The following OPRM1 variants were observed in gnomAD, a reference collection of about 807,000 sequenced individuals.
OPRM1 encodes the protein opioid receptor mu 1.
OPRM1 carries 27 observed loss-of-function variants against 31.8 expected under a neutral mutation model. The observed-to-expected ratio is 0.85, with a 90% CI of 0.63 to 1.17. OPRM1 has a LOEUF of 1.17. Among genes scored for constraint, OPRM1 ranks in the 50% most tolerant of loss-of-function variants. The probability of loss-of-function intolerance (pLI) is 0.00; values close to 1 mark genes in which losing one functional copy is unlikely to be tolerated. For missense variants in OPRM1, 536 were observed against 511.1 expected (o/e 1.05, Z -0.47); for synonymous variants, 196 against 189.9 (o/e 1.03, Z -0.26).
intron 3 of OPRM1, among the ~76,000 whole-genome samples, chr6:154,189,610 T>G (rs1801686226): frequency 6.6e-6 from 1 of 152,186 alleles, no homozygotes; most frequent in African/African-American, 2.4e-5. Flanking sequence ...ATGCTTAAAG[T>G]GATGGATATG....
In OPRM1 at chr6:154,142,814, A is replaced by T. The variant is rs1798254959; in HGVS notation, c.1164+51342A>T. 2.0e-5 allele frequency among the ~76,000 whole-genome samples: 3 copies of T among 152,160 alleles called. No individual in the cohort carries two copies. In the South Asian group the frequency reaches 6.2e-4, roughly 32 times the overall value. On this transcript the variant is annotated intron_variant, in intron 3 of 3. Coordinates refer to the OPRM1 transcript ENST00000337049. ...AGACTTGCACGGATTCCCCTCCACT[A>T]GCTCGGATACCTTCCACTGCTCACA...
At chr6:154,223,734 A>T (rs2128618875) in intron 3 of OPRM1, among the ~76,000 whole-genome samples, 1 of 152,332 alleles carries the variant, frequency 6.6e-6, no homozygotes, top group South Asian at 2.1e-4. Context: ...GGTTGTTGTG[A>T]CTTAAATGAG....
At chr6:154,230,124 T>G (rs918620707) in intron 3 of OPRM1, among the ~76,000 whole-genome samples, 2 of 152,186 alleles carry the variant, frequency 1.3e-5, no homozygotes, top group South Asian at 4.1e-4. Context: ...TATTTAAAAC[T>G]GATTTATTAT....
At chr6:154,058,654 A>C (rs1783805713) in intron 1 of OPRM1, among the ~76,000 whole-genome samples, 1 of 152,206 alleles carries the variant, frequency 6.6e-6, no homozygotes, top group African/African-American at 2.4e-5. Context: ...GCCTTGGAGA[A>C]TAAATTAGCA....
intron 3 of OPRM1, among the ~76,000 whole-genome samples, chr6:154,239,093 A>G (rs1489387042): frequency 6.6e-6 from 1 of 152,116 alleles, no homozygotes; most frequent in East Asian, 1.9e-4. Flanking sequence ...GCAATGCCCA[A>G]GCATATCACT....
At chr6:154,042,320 A>G (rs1415288347) in intron 1 of OPRM1, among the ~76,000 whole-genome samples, 1 of 152,218 alleles carries the variant, frequency 6.6e-6, no homozygotes, top group East Asian at 1.9e-4. Flanking sequence ...TGTTTAAACT[A>G]CAAAATGATC....
At chr6:154,222,840 G>T (rs928403614) in intron 3 of OPRM1, 2 of 324,176 alleles carry the variant, frequency 6.2e-6, no homozygotes, top group Non-Finnish European at 1.2e-5. Flanking sequence ...TTAACTGCTT[G>T]TTTTTTCTTT....
intron 1 of OPRM1, among the ~76,000 whole-genome samples, chr6:154,030,621 T>A (rs563306210): frequency 0.029 from 4,382 of 152,180 alleles, 200 homozygotes; most frequent in African/African-American, 0.1. Context: ...CAAAAAAAAT[T>A]TTTTTGTATT....
At chr6:154,114,862 T>A in intron 3 of OPRM1, among the ~76,000 whole-genome samples, 1 of 150,898 alleles carries the variant, frequency 6.6e-6, no homozygotes, top group Non-Finnish European at 1.5e-5. Context: ...ATTTTCTCCT[T>A]CTGGAATTCT....
At chr6:154,226,036 C>G (rs556100678) in intron 3 of OPRM1, among the ~76,000 whole-genome samples, 1 of 152,214 alleles carries the variant, frequency 6.6e-6, no homozygotes, top group Non-Finnish European at 1.5e-5. Context: ...CTGCTGCTCC[C>G]CTTTTTCCTC....
chr6:154,214,697 G>A (rs936159265), intron 3 of OPRM1, among the ~76,000 whole-genome samples: 2 of 152,110 alleles, frequency 1.3e-5, no homozygotes, highest in African/African-American at 2.4e-5. Flanking sequence ...AAAAATGTAC[G>A]AAAAGATCAT....
intron 2 of OPRM1, 61 bp from the exon 3 acceptor site, chr6:154,090,891 A>C: frequency 1.3e-6 from 2 of 1,487,916 alleles, no homozygotes; most frequent in East Asian, 4.5e-5. Flanking sequence ...TGGCAGTATT[A>C]ACACCTTATG....
rs1237238745 is a variant in OPRM1, at chr6:154,130,168, T to TCC, written c.*11447_*11448insCC. On this transcript the variant is annotated 3_prime_UTR_variant, in exon 4 of 4. Transcript: ENST00000330432. ...TCGATTTCATGGAAATGTTTAAATT[T>TCC]TCTTTTTTTTTTTTTTTTTTGATGG... Among the ~76,000 whole-genome samples, 1 of 44,344 alleles carries TCC rather than the reference T, an allele frequency of 2.3e-5. No individual in the cohort carries two copies. Among genetic ancestry groups the TCC allele is most frequent in the Non-Finnish European group, 4.0e-5 (1 of 25,186 alleles). The allele number at this position is 44,344 out of a possible 152,430, so 29.1% of individuals were successfully genotyped here.
rs1293025621 is a variant in OPRM1 at position 154,089,821 on chromosome 6, C to T, written c.291-5C>T. On this transcript the variant is annotated splice_region_variant and splice_polypyrimidine_tract_variant and intron_variant, in intron 1 of 3. Transcript: ENST00000330432. ...GATTCTCACTCTTCTTCCTTTATCT[C>T]CTAGATACACCAAGATGAAGACTGC... is the stretch of plus-strand genomic sequence containing the variant. The T allele has an allele frequency of 6.3e-7, 1 of 1,599,874 alleles. No individual in the cohort carries two copies. Among genetic ancestry groups the T allele is most frequent in the Non-Finnish European group, 8.6e-7 (1 of 1,168,990 alleles).
chr6:154,142,596 C>T (rs1374378654), intron 3 of OPRM1, among the ~76,000 whole-genome samples: 2 of 152,120 alleles, frequency 1.3e-5, no homozygotes, highest in South Asian at 4.1e-4. Flanking sequence ...AATCCTAGAT[C>T]CAAGGTCAAA....
chr6:154,080,407 A>G (rs931784564), intron 1 of OPRM1, among the ~76,000 whole-genome samples: 5 of 152,242 alleles, frequency 3.3e-5, no homozygotes, highest in Admixed American at 6.5e-5. Context: ...CTATAGTCAG[A>G]CGAGAATTGA....
chr6:154,057,801 G>A (rs1354710800), intron 1 of OPRM1, among the ~76,000 whole-genome samples: 11 of 152,254 alleles, frequency 7.2e-5, no homozygotes, highest in Admixed American at 3.9e-4. Flanking sequence ...CACTGTAATG[G>A]AACGATGACC....
Position 154,244,301 on chromosome 6 carries a change from G to GGGGT in OPRM1, c.1165-2391_1165-2390insGGTG, listed in dbSNP as rs1554298351. On this transcript the variant is annotated intron_variant, in intron 3 of 3. Transcript: ENST00000337049. ...TTAAGATTCGGTGTGTGTGTGGGTG[G>GGGGT]GTGTGTGTGTGTGTGTGTGTGTGTG... is the stretch of plus-strand genomic sequence containing the variant. Among the ~76,000 whole-genome samples, 277 of 148,056 alleles carry GGGGT rather than the reference G, an allele frequency of 1.9e-3. 3 individuals carry two copies. The highest frequency in any genetic ancestry group is 6.1e-3 in the African/African-American group (245 of 40,186).
At chr6:154,082,552 C>T (rs949241020) in intron 1 of OPRM1, among the ~76,000 whole-genome samples, 25 of 152,072 alleles carry the variant, frequency 1.6e-4, no homozygotes, top group Admixed American at 8.5e-4. Context: ...TTGAAGTTGT[C>T]TTCTTTGTTG....
Sources: allele counts gnomAD v4.1 joint callset (sites outside exome capture counted in the v4.1 genomes callset), GRCh38; gene constraint gnomAD v4.1.1; transcripts MANE v1.5; gene names NCBI Gene and HGNC (gene_info 2026-07-23, HGNC 2026-07-21).